DMXL1: variants seen among roughly 807,000 people sequenced by gnomAD.
The protein encoded by DMXL1 is Dmx like 1.
DMXL1 carries 99 observed loss-of-function variants against 319.2 expected under a neutral mutation model. The ratio of observed to expected loss-of-function variants is 0.31; its 90% confidence interval spans 0.26 to 0.37. DMXL1 has a LOEUF of 0.37. Among genes scored for constraint, DMXL1 ranks in the 10% least tolerant of loss-of-function variants. The pLI is 1.00. For missense variants in DMXL1, 3,745 were observed against 3,595.6 expected (o/e 1.04, Z -1.06); for synonymous variants, 1,385 against 1,235.2 (o/e 1.12, Z -2.54).
intron 42 of DMXL1, among the ~76,000 whole-genome samples, chr5:119,243,198 G>C (rs1341494111): frequency 6.6e-6 from 1 of 152,166 alleles, no homozygotes; most frequent in Non-Finnish European, 1.5e-5. Context: ...CCTCTGGGAA[G>C]TTATATCTCA....
intron 1 of DMXL1, among the ~76,000 whole-genome samples, chr5:119,094,910 G>A (rs554274004): frequency 6.6e-6 from 1 of 150,994 alleles, no homozygotes; most frequent in South Asian, 2.1e-4. Context: ...TGTTGCCTGG[G>A]CTGGAGTGTA....
intron 10 of DMXL1, 67 bp from the exon 11 acceptor site, chr5:119,133,065 G>T (rs1052936337): frequency 1.3e-6 from 2 of 1,555,392 alleles, no homozygotes; most frequent in East Asian, 2.3e-5. Flanking sequence ...CCAGAAGCTC[G>T]GTAATTCTTA....
At chr5:119,085,862 A>C (rs1753243909) in intron 1 of DMXL1, among the ~76,000 whole-genome samples, 1 of 152,142 alleles carries the variant, frequency 6.6e-6, no homozygotes, top group South Asian at 2.1e-4. Context: ...TGTTCCTCCT[A>C]TGCCCAGTTT....
chr5:119,136,171 G>A (rs1765954115), intron 13 of DMXL1, among the ~76,000 whole-genome samples: 1 of 152,238 alleles, frequency 6.6e-6, no homozygotes, highest in African/African-American at 2.4e-5. Context: ...AAAGAGACTG[G>A]TTGCATTTTG....
intron 31 of DMXL1, among the ~76,000 whole-genome samples, chr5:119,196,911 T>G (rs1779741467): frequency 6.6e-6 from 1 of 152,204 alleles, no homozygotes; most frequent in Non-Finnish European, 1.5e-5. Flanking sequence ...CCAAAGATTT[T>G]TATAAGACAC....
intron 29 of DMXL1, among the ~76,000 whole-genome samples, chr5:119,193,301 C>A (rs1272024440): frequency 6.6e-6 from 1 of 152,102 alleles, no homozygotes; most frequent in Non-Finnish European, 1.5e-5. Flanking sequence ...GATCAAACTA[C>A]TATTTTCAAA....
At chr5:119,073,326 T>C (rs2149650269) in intron 1 of DMXL1, among the ~76,000 whole-genome samples, 1 of 152,268 alleles carries the variant, frequency 6.6e-6, no homozygotes, top group African/African-American at 2.4e-5. Context: ...CCTCCCAAAA[T>C]GCTAGGATTA....
intron 1 of DMXL1, among the ~76,000 whole-genome samples, chr5:119,084,994 G>C (rs1161221548): frequency 6.6e-6 from 1 of 151,896 alleles, no homozygotes; most frequent in Admixed American, 6.6e-5. Context: ...TTTCATCAGA[G>C]TTTTATAGTT....
intron 25 of DMXL1, among the ~76,000 whole-genome samples, chr5:119,172,709 A>G (rs531996760): frequency 5.3e-5 from 8 of 152,004 alleles, no homozygotes; most frequent in Non-Finnish European, 8.8e-5. Context: ...ACTGACTTTG[A>G]CCATTTTCAT....
chr5:119,112,982 A>G (rs919612531), intron 5 of DMXL1, among the ~76,000 whole-genome samples: 1 of 152,098 alleles, frequency 6.6e-6, no homozygotes, highest in Non-Finnish European at 1.5e-5. Flanking sequence ...AAATAATAAT[A>G]GTATTTTGTC....
chr5:119,093,128 T>C (rs959033384), intron 1 of DMXL1, among the ~76,000 whole-genome samples: 1 of 152,210 alleles, frequency 6.6e-6, no homozygotes, highest in East Asian at 1.9e-4. Context: ...TCCAGTTGCA[T>C]GCGCTCACTT....
At chr5:119,095,767 T>C (rs1303473925) in intron 1 of DMXL1, among the ~76,000 whole-genome samples, 1 of 152,262 alleles carries the variant, frequency 6.6e-6, no homozygotes, top group Non-Finnish European at 1.5e-5. Context: ...AATTTATTCT[T>C]GCTAATGGTC....
chr5:119,242,827 G>C (rs1046787167), intron 42 of DMXL1, among the ~76,000 whole-genome samples: 2 of 152,176 alleles, frequency 1.3e-5, no homozygotes, highest in Non-Finnish European at 2.9e-5. Flanking sequence ...TGTTTAATAT[G>C]TCACAGAGGC....
At chr5:119,096,767 A>G (rs1265200784) in intron 1 of DMXL1, among the ~76,000 whole-genome samples, 1 of 152,208 alleles carries the variant, frequency 6.6e-6, no homozygotes, top group African/African-American at 2.4e-5. Context: ...AATGCTTGGC[A>G]ACAAGTCTTG....
intron 25 of DMXL1, among the ~76,000 whole-genome samples, chr5:119,173,668 A>ATGTG (rs1461681311): frequency 3.0e-5 from 3 of 100,464 alleles, no homozygotes; most frequent in Non-Finnish European, 4.4e-5. Flanking sequence ...AATCAGTAGG[A>ATGTG]TGTATGTGTG....
intron 36 of DMXL1, 87 bp from the exon 37 acceptor site, chr5:119,220,853 A>T: frequency 2.0e-6 from 3 of 1,466,306 alleles, no homozygotes; most frequent in South Asian, 2.7e-5. Flanking sequence ...TTTTAAAGGG[A>T]ACTATAAATT....
intron 10 of DMXL1, among the ~76,000 whole-genome samples, chr5:119,130,004 C>G (rs1359680235): frequency 6.6e-6 from 1 of 152,108 alleles, no homozygotes; most frequent in African/African-American, 2.4e-5. Flanking sequence ...ACTCTGTAGC[C>G]TTTATATGCT....
intron 28 of DMXL1, among the ~76,000 whole-genome samples, chr5:119,182,757 A>G (rs1270041772): frequency 1.3e-5 from 2 of 152,172 alleles, no homozygotes; most frequent in African/African-American, 4.8e-5. Flanking sequence ...TTATATATTA[A>G]TGAAGAGTTT....
Position 119,244,561 on chromosome 5 carries a change from C to G in DMXL1, c.8907C>G (p.Ala2969=). 6.2e-7 allele frequency: 1 copy of G among 1,613,788 alleles called. No individual in the cohort carries two copies. The highest frequency in any genetic ancestry group is 8.5e-7 in the Non-Finnish European group (1 of 1,179,844). The change falls in exon 43 of 44, where the codon GCC becomes GCG. Residue 2969 remains alanine (A), a synonymous_variant. Coordinates refer to ENST00000539542, the MANE Select transcript of DMXL1 (RefSeq NM_001290321.3). ...AAGAGTACTTTGTTACAGGATCTGC[C>G]GAAGGCAATATAAAGGTAAACACAG... ...PTEEYFVTGS[A]EGNIKIWSLS... is the part of the protein sequence containing the mutation.
Sources: allele counts gnomAD v4.1 joint callset (sites outside exome capture counted in the v4.1 genomes callset), GRCh38; gene constraint gnomAD v4.1.1; transcripts MANE v1.5; gene names NCBI Gene and HGNC (gene_info 2026-07-23, HGNC 2026-07-21).